The following NELL1 variants were observed in gnomAD, a reference collection of about 807,000 sequenced individuals.
The protein encoded by NELL1 is protein kinase C-binding protein NELL1.
Under a neutral mutation model 107.4 loss-of-function variants are expected in NELL1, and 76 were observed. The observed-to-expected ratio is 0.71, with a 90% CI of 0.59 to 0.86. The LOEUF (loss-of-function observed/expected upper bound fraction) is 0.86, where lower values mean the gene tolerates loss of function less well. Ranked by LOEUF, NELL1 falls within the 40% of genes least tolerant of loss-of-function variation. The pLI is 0.00. For synonymous variants in NELL1, 353 were observed against 341.2 expected, an observed-to-expected ratio of 1.03 and a Z score of -0.38; for missense variants, 1,024 against 1,005.5, an observed-to-expected ratio of 1.02 and a Z score of -0.25.
intron 3 of NELL1, among the ~76,000 whole-genome samples, chr11:20,832,717 TGAC>T (rs1184610347): frequency 6.6e-6 from 1 of 152,222 alleles, no homozygotes; most frequent in Non-Finnish European, 1.5e-5. Flanking sequence ...TAAATAATGA[TGAC>T]AATAATAATA....
At chr11:21,360,076 T>A (rs1169305429) in intron 14 of NELL1, among the ~76,000 whole-genome samples, 1 of 152,138 alleles carries the variant, frequency 6.6e-6, no homozygotes. Flanking sequence ...TGAAGTGTGA[T>A]CTTAGATCAT....
intron 13 of NELL1, among the ~76,000 whole-genome samples, chr11:21,198,827 A>G (rs1296429147): frequency 6.6e-6 from 1 of 152,070 alleles, no homozygotes; most frequent in Non-Finnish European, 1.5e-5. Flanking sequence ...ATGAAGGGTC[A>G]CTTCCTCCAG....
intron 11 of NELL1, among the ~76,000 whole-genome samples, chr11:20,947,752 T>C (rs969722011): frequency 3.9e-5 from 6 of 152,182 alleles, no homozygotes; most frequent in Admixed American, 3.3e-4. Context: ...TTAGTTCTTA[T>C]AATAATAACC....
chr11:21,334,143 T>C (rs1359971320), intron 14 of NELL1, among the ~76,000 whole-genome samples: 1 of 152,048 alleles, frequency 6.6e-6, no homozygotes, highest in Non-Finnish European at 1.5e-5. Flanking sequence ...TATTCCTACC[T>C]TCAAGGAACG....
At chr11:21,143,874 C>A (rs559569431) in intron 13 of NELL1, among the ~76,000 whole-genome samples, 1 of 152,188 alleles carries the variant, frequency 6.6e-6, no homozygotes, top group South Asian at 2.1e-4. Context: ...GATAAAAGAC[C>A]TGCTTTATTA....
chr11:21,559,543 A>T (rs1856802619), intron 16 of NELL1, among the ~76,000 whole-genome samples: 1 of 152,092 alleles, frequency 6.6e-6, no homozygotes, highest in Admixed American at 6.6e-5. Context: ...ATCAGCATCC[A>T]TCCATATAGC....
intron 14 of NELL1, among the ~76,000 whole-genome samples, chr11:21,261,597 A>C (rs76921231): frequency 0.035 from 5,258 of 151,924 alleles, 99 homozygotes; most frequent in Admixed American, 0.057. Flanking sequence ...ACAGAGGCAG[A>C]GAGCGATTAA....
intron 15 of NELL1, among the ~76,000 whole-genome samples, chr11:21,493,211 T>A (rs1199937944): frequency 1.3e-5 from 2 of 152,066 alleles, no homozygotes; most frequent in Non-Finnish European, 2.9e-5. Context: ...AACCACCATA[T>A]GATACAGCCA....
chr11:21,436,105 A>G (rs1057343400), intron 15 of NELL1, among the ~76,000 whole-genome samples: 4 of 151,992 alleles, frequency 2.6e-5, no homozygotes, highest in African/African-American at 4.8e-5. Context: ...TTGCCAGGCT[A>G]GAGTACAGTG....
chr11:20,718,718 G>C (rs5004854), intron 2 of NELL1, among the ~76,000 whole-genome samples: 1 of 152,006 alleles, frequency 6.6e-6, no homozygotes, highest in African/African-American at 2.4e-5. Context: ...TGTAATCTTC[G>C]TTAGTCTGGA....
intron 3 of NELL1, among the ~76,000 whole-genome samples, chr11:20,797,302 C>T (rs1344460197): frequency 1.3e-5 from 2 of 151,512 alleles, no homozygotes; most frequent in East Asian, 3.9e-4. Flanking sequence ...CGGTGGCTCG[C>T]GCCTGTAATC....
chr11:21,429,132 C>T (rs897861182), intron 15 of NELL1, among the ~76,000 whole-genome samples: 11 of 152,166 alleles, frequency 7.2e-5, no homozygotes, highest in African/African-American at 2.7e-4. Flanking sequence ...TCTACATTTA[C>T]ATTCACAGGA....
intron 13 of NELL1, among the ~76,000 whole-genome samples, chr11:21,217,690 C>A (rs1316893962): frequency 6.6e-6 from 1 of 152,128 alleles, no homozygotes; most frequent in Admixed American, 6.6e-5. Context: ...TAGATAAAAT[C>A]TGCTTGTCAT....
intron 2 of NELL1, among the ~76,000 whole-genome samples, chr11:20,692,526 C>A (rs1389089456): frequency 6.6e-6 from 1 of 150,542 alleles, no homozygotes; most frequent in Non-Finnish European, 1.5e-5. Context: ...TTTATTTCTG[C>A]CTTCATTTCC....
intron 12 of NELL1, among the ~76,000 whole-genome samples, chr11:21,076,089 T>C (rs1854128741): frequency 1.3e-5 from 2 of 152,220 alleles, no homozygotes; most frequent in South Asian, 4.1e-4. Flanking sequence ...GAAGTTTTAT[T>C]GAGTTGGATT....
At position 20,787,139 on chromosome 11, in the gene NELL1, G is replaced by A. The variant is rs1856984802; in HGVS notation, c.335+3309G>A. Among the ~76,000 whole-genome samples the A allele has an allele frequency of 1.3e-5, 2 of 148,592 alleles. 1 individual carries two copies. Among genetic ancestry groups the A allele is most frequent in the Admixed American group, 1.4e-4 (2 of 14,722 alleles). On this transcript the variant is annotated intron_variant, in intron 3 of 19. Coordinates refer to ENST00000357134, the MANE Select transcript of NELL1 (RefSeq NM_006157.5). ...GACTGCTAAACAAAATAAATATGAA[G>A]AAGTAGATACTAGATCCCCTCTCCC... is the stretch of plus-strand genomic sequence containing the variant.
intron 12 of NELL1, among the ~76,000 whole-genome samples, chr11:21,095,843 C>A (rs1854629203): frequency 1.3e-5 from 2 of 152,148 alleles, no homozygotes; most frequent in Non-Finnish European, 2.9e-5. Context: ...CTCCTGACCT[C>A]AGGTAATCCA....
intron 2 of NELL1, among the ~76,000 whole-genome samples, chr11:20,732,531 G>A (rs1564884729): frequency 6.6e-6 from 1 of 152,178 alleles, no homozygotes; most frequent in East Asian, 1.9e-4. Context: ...CCCAGGTGGT[G>A]AGTGCTGTTG....
chr11:21,534,447 C>G lies in NELL1; in HGVS notation c.1719C>G (p.Tyr573Ter). 6.2e-7 allele frequency: 1 copy of G among 1,613,826 alleles called. No homozygotes were observed. The highest frequency in any genetic ancestry group is 2.2e-5 in the East Asian group (1 of 44,834). The change falls in exon 16 of 20, where the codon TAC becomes TAG. Residue 573 changes from tyrosine to a stop codon, truncating the protein, a stop_gained. Coordinates refer to ENST00000357134, the MANE Select transcript of NELL1 (RefSeq NM_006157.5). LOFTEE classifies it high-confidence loss of function. ...HSRCVNLPGW[Y>*]HCECRSGFHD... ...GCTGCGTTAACCTGCCAGGGTGGTA[C>G]CACTGTGAGTGCAGAAGCGGTTTCC...
Sources: allele counts gnomAD v4.1 joint callset (sites outside exome capture counted in the v4.1 genomes callset), GRCh38; gene constraint gnomAD v4.1.1; transcripts MANE v1.5; gene names NCBI Gene and HGNC (gene_info 2026-07-23, HGNC 2026-07-21).